NIF3L1: variants seen among roughly 807,000 people sequenced by gnomAD.
NIF3L1 encodes the protein NIF3-like protein 1.
NIF3L1 carries 26 observed loss-of-function variants against 35.0 expected under a neutral mutation model. That is an observed-to-expected ratio of 0.74 (90% CI 0.54 to 1.03). NIF3L1 has a LOEUF of 1.03. NIF3L1 is among the 50% of genes least tolerant of loss of function. The pLI is 0.00. For missense variants in NIF3L1, 449 were observed against 466.3 expected (o/e 0.96, Z 0.34); for synonymous variants, 157 against 178.9 (o/e 0.88, Z 0.98).
At chr2:200,889,826 T>C (rs2124868441) in intron 1 of NIF3L1, among the ~76,000 whole-genome samples, 174 bp downstream of exon 1, 1 of 152,368 alleles carries the variant, frequency 6.6e-6, no homozygotes, top group Non-Finnish European at 1.5e-5. Context: ...ATAAGTCATT[T>C]ACCTGCTGTT....
chr2:200,893,371 G>A lies in NIF3L1; in HGVS notation c.562G>A (p.Gly188Arg). 1 of 1,613,828 alleles carries A rather than the reference G, an allele frequency of 6.2e-7. No individual in the cohort carries two copies. The highest frequency in any genetic ancestry group is 1.1e-5 in the South Asian group (1 of 91,046). ...GGACAAAGTCATGTCTGCAGTGAAAGGAATTGACGGTGTTTCTGTCACTTC... is the reference window on the plus strand; with the variant it reads ...GGACAAAGTCATGTCTGCAGTGAAAAGAATTGACGGTGTTTCTGTCACTTC... ...DLDKVMSAVK[G>R]IDGVSVTSFS... Residue 188 changes from glycine (G) to arginine (R), a missense_variant, in exon 3 of 7, where the codon GGA becomes AGA. Gly to Arg is a moderately radical substitution (Grantham distance 125). Transcript: ENST00000409020.
intron 3 of NIF3L1, 124 bp from the exon 4 acceptor site, chr2:200,895,140 T>C: frequency 1.1e-6 from 1 of 892,936 alleles, no homozygotes; most frequent in South Asian, 1.7e-5. Context: ...ATTAAATGGG[T>C]TCTGTTGGTT....
intron 6 of NIF3L1, among the ~76,000 whole-genome samples, chr2:200,903,282 C>T (rs189182877): frequency 4.6e-5 from 7 of 152,312 alleles, no homozygotes; most frequent in Admixed American, 2.0e-4. Flanking sequence ...GGATTACAGG[C>T]GTGAGCCACC....
At chr2:200,902,268 A>G (rs1046625161) in intron 6 of NIF3L1, among the ~76,000 whole-genome samples, 10 of 152,222 alleles carry the variant, frequency 6.6e-5, no homozygotes, top group Admixed American at 3.3e-4. Context: ...ACTGCATTTT[A>G]AGAAATTCAG....
intron 3 of NIF3L1, among the ~76,000 whole-genome samples, chr2:200,894,710 CT>C (rs74740047): frequency 0.017 from 2,150 of 123,660 alleles, 27 homozygotes; most frequent in African/African-American, 0.045. Context: ...GCCTGGCCTT[CT>C]TTTTTTTTTT....
At chr2:200,903,443 C>G in intron 6 of NIF3L1, 51 bp from the exon 7 acceptor site, 1 of 1,468,568 alleles carries the variant, frequency 6.8e-7, no homozygotes. Context: ...TTTCCTCATT[C>G]CACAGATTCC....
Position 200,902,946 on chromosome 2 carries a change from G to A in NIF3L1, c.950-548G>A, listed in dbSNP as rs1420417510. ...TGGTTCTGGCCAGATATGTTGGATT[G>A]GATAATTGCCTTGGGGTCTGCTAAG... On this transcript the variant is annotated intron_variant, in intron 6 of 6. Coordinates refer to ENST00000409020, the MANE Select transcript of NIF3L1 (RefSeq NM_001369441.2). Among the ~76,000 whole-genome samples, 24 of 152,116 alleles carry A rather than the reference G, an allele frequency of 1.6e-4. 1 individual carries two copies. Among genetic ancestry groups the A allele is most frequent in the Admixed American group, 1.6e-3 (24 of 15,262 alleles).
intron 3 of NIF3L1, among the ~76,000 whole-genome samples, chr2:200,894,405 T>C (rs1053855282): frequency 4.6e-5 from 7 of 151,994 alleles, no homozygotes; most frequent in African/African-American, 1.7e-4. Flanking sequence ...AGAAGGAATT[T>C]TTTTTATTTT....
At chr2:200,893,146 T>C (rs2040234807) in intron 2 of NIF3L1, 100 bp from the exon 3 acceptor site, 1 of 901,356 alleles carries the variant, frequency 1.1e-6, no homozygotes, top group Non-Finnish European at 1.6e-6. Context: ...TGAATCTTTT[T>C]AAAAAGTCAT....
intron 4 of NIF3L1, among the ~76,000 whole-genome samples, chr2:200,896,296 T>C (rs1239400810): frequency 1.3e-5 from 2 of 152,200 alleles, no homozygotes; most frequent in African/African-American, 2.4e-5. Context: ...CTGTCTTCTT[T>C]TGGATCTGCC....
chr2:200,901,252 AGTT>A (rs1232427227), intron 6 of NIF3L1, among the ~76,000 whole-genome samples: 1 of 152,096 alleles, frequency 6.6e-6, no homozygotes, highest in Non-Finnish European at 1.5e-5. Context: ...CATTGCATTT[AGTT>A]GTTGTTAGTC....
At chr2:200,894,719 T>C (rs1174361615) in intron 3 of NIF3L1, among the ~76,000 whole-genome samples, 1 of 150,762 alleles carries the variant, frequency 6.6e-6, no homozygotes, top group Non-Finnish European at 1.5e-5. Flanking sequence ...TCTTTTTTTT[T>C]TTTTTTTTAA....
intron 5 of NIF3L1, 104 bp from the exon 6 acceptor site, chr2:200,899,281 C>T (rs2040372666): frequency 5.1e-6 from 4 of 788,174 alleles, no homozygotes; most frequent in Non-Finnish European, 4.2e-6. Flanking sequence ...GTGATGAGAC[C>T]AGGAGTGAAA....
At chr2:200,899,298 T>C in intron 5 of NIF3L1, 87 bp from the exon 6 acceptor site, 1 of 991,120 alleles carries the variant, frequency 1.0e-6, no homozygotes, top group East Asian at 2.5e-5. Context: ...GAAATCTGTA[T>C]TATGTTTAGG....
Position 200,903,489 on chromosome 2 carries a change from G to A in NIF3L1, c.950-5G>A, listed in dbSNP as rs1300483386. The stretch of plus-strand genomic sequence containing the variant: ...TTTAAGAATTTGCTCTTCCCTTTTT[G>A]GTAGGTGAGATGTCCCATCATGATA... On this transcript the variant is annotated splice_polypyrimidine_tract_variant and splice_region_variant and intron_variant, in intron 6 of 6. Coordinates refer to ENST00000409020, the MANE Select transcript of NIF3L1 (RefSeq NM_001369441.2). The A allele has an allele frequency of 6.2e-7, 1 of 1,606,144 alleles. No homozygotes were observed. The highest frequency in any genetic ancestry group is 1.1e-5 in the South Asian group (1 of 90,470).
intron 1 of NIF3L1, 73 bp from the exon 2 acceptor site, chr2:200,891,845 C>A: frequency 2.3e-6 from 2 of 874,938 alleles, no homozygotes; most frequent in Non-Finnish European, 3.5e-6. Flanking sequence ...GCTCTTTTGC[C>A]CATATGTTTT....
chr2:200,896,023 T>G (rs2040303937), intron 4 of NIF3L1, among the ~76,000 whole-genome samples: 2 of 152,148 alleles, frequency 1.3e-5, no homozygotes, highest in South Asian at 4.2e-4. Context: ...ATTATCTACT[T>G]TAGTTTCCAA....
chr2:200,890,629 T>G (rs1482766610), intron 1 of NIF3L1: 1 of 152,244 alleles, frequency 6.6e-6, no homozygotes, highest in Non-Finnish European at 1.5e-5. Context: ...TTTGTGGTTA[T>G]TTGATTAAAC....
intron 6 of NIF3L1, 27 bp downstream of exon 6, chr2:200,899,495 G>A (rs760296515): frequency 2.3e-5 from 37 of 1,601,552 alleles, no homozygotes; most frequent in Non-Finnish European, 3.1e-5. Flanking sequence ...ATCTCTCTTG[G>A]TTTATTTTTT....
Sources: allele counts gnomAD v4.1 joint callset (sites outside exome capture counted in the v4.1 genomes callset), GRCh38; gene constraint gnomAD v4.1.1; transcripts MANE v1.5; gene names NCBI Gene and HGNC (gene_info 2026-07-23, HGNC 2026-07-21).